The following FGF14 variants were observed in gnomAD, a reference collection of about 807,000 sequenced individuals.
The protein encoded by FGF14 is fibroblast growth factor homologous factor 4.
FGF14 carries 5 observed loss-of-function variants against 25.5 expected under a neutral mutation model. That is an observed-to-expected ratio of 0.20 (90% CI 0.10 to 0.41). FGF14 has a LOEUF of 0.41. Among genes scored for constraint, FGF14 ranks in the 10% least tolerant of loss-of-function variants. The pLI, the probability that FGF14 is intolerant of heterozygous loss-of-function variation, is 1.00. For missense variants in FGF14, 222 were observed against 320.1 expected (o/e 0.69, Z 2.34); for synonymous variants, 138 against 118.3 (o/e 1.17, Z -1.08).
At chr13:102,194,402 T>G (rs928673303) in intron 1 of FGF14, among the ~76,000 whole-genome samples, 2 of 148,738 alleles carry the variant, frequency 1.3e-5, no homozygotes, top group Non-Finnish European at 3.0e-5. Context: ...CCCACATGCA[T>G]TAGCTATTTA....
At chr13:102,309,908 C>A (rs1449798142) in intron 1 of FGF14, among the ~76,000 whole-genome samples, 1 of 152,286 alleles carries the variant, frequency 6.6e-6, no homozygotes, top group Non-Finnish European at 1.5e-5. Context: ...TTGAACCTAG[C>A]AATCTCATCT....
At chr13:102,375,769 G>A (rs1320230457) in intron 1 of FGF14, among the ~76,000 whole-genome samples, 1 of 152,108 alleles carries the variant, frequency 6.6e-6, no homozygotes, top group African/African-American at 2.4e-5. Context: ...ATCAATAAAA[G>A]CTATCTGCCT....
chr13:101,850,498 ATATATATATATATATAGAAT>A lies in FGF14; in HGVS notation c.408+18207_408+18226del, dbSNP rs2043746111. Among the ~76,000 whole-genome samples the A allele has an allele frequency of 1.7e-3, 3 of 1,790 alleles. 1 individual carries two copies. Among genetic ancestry groups the A allele is most frequent in the African/African-American group, 2.7e-3 (2 of 744 alleles). 1.2% of individuals were successfully genotyped at this position (1,790 alleles called of 152,430 possible). A position where few individuals can be genotyped will look rare whatever the true frequency, so the allele number is the denominator to read the frequency against. On this transcript the variant is annotated intron_variant, in intron 3 of 4. Coordinates refer to ENST00000376143, the MANE Select transcript of FGF14 (RefSeq NM_004115.4). ...TATATATATATATATATATATATAT[ATATATATATATATATAGAAT>A]TATATATTCTATATATATATATATA...
At chr13:102,042,241 G>T (rs1483564204) in intron 1 of FGF14, among the ~76,000 whole-genome samples, 3 of 152,080 alleles carry the variant, frequency 2.0e-5, no homozygotes, top group African/African-American at 4.8e-5. Context: ...ATACAAATAT[G>T]GTATCACTTA....
At chr13:102,113,764 T>C (rs1484520298) in intron 1 of FGF14, among the ~76,000 whole-genome samples, 1 of 152,174 alleles carries the variant, frequency 6.6e-6, no homozygotes, top group African/African-American at 2.4e-5. Flanking sequence ...AAACAGAAGA[T>C]GCTGATGTTA....
At chr13:102,150,689 T>TCAAAA (rs2047046627) in intron 1 of FGF14, among the ~76,000 whole-genome samples, 1 of 152,246 alleles carries the variant, frequency 6.6e-6, no homozygotes, top group Non-Finnish European at 1.5e-5. Flanking sequence ...CTGGAATTCC[T>TCAAAA]CAAAACATCT....
In FGF14 at chr13:102,400,018, C is replaced by G. The variant is rs1317143502; in HGVS notation, c.208+1453G>C. On this transcript the variant is annotated intron_variant, in intron 1 of 4. Transcript: ENST00000376131. The surrounding 1 kb of genome is among the most constrained non-coding windows in gnomAD (Gnocchi z 4.3). The stretch of plus-strand genomic sequence containing the variant: ...TTGCTGCAGGAATGGTGGCCGCAAA[C>G]GGTCTCAGCCTCCGCACCCACCGCC... 2.6e-5 allele frequency among the ~76,000 whole-genome samples: 4 copies of G among 152,122 alleles called. No individual in the cohort carries two copies. Among genetic ancestry groups the G allele is most frequent in the African/African-American group, 9.7e-5 (4 of 41,442 alleles).
chr13:101,850,725 G>A (rs576068397), intron 3 of FGF14, among the ~76,000 whole-genome samples: 1 of 146,770 alleles, frequency 6.8e-6, no homozygotes, highest in Non-Finnish European at 1.5e-5. Context: ...TATATAGAGA[G>A]AGAAGATATA....
Position 101,722,664 on chromosome 13 carries a change from A to G in FGF14, c.*167T>C, listed in dbSNP as rs2035071697. On this transcript the variant is annotated 3_prime_UTR_variant, in exon 5 of 5. Coordinates refer to ENST00000376143, the MANE Select transcript of FGF14 (RefSeq NM_004115.4). ...GGTGTCTTCTTGTTGTGGGGGGTGC[A>G]ACAGGTTGAGATTTATCCACTTGCA... is the stretch of plus-strand genomic sequence containing the variant. 2.2e-5 allele frequency: 19 copies of G among 875,136 alleles called. No individual in the cohort carries two copies. The South Asian group carries it at 2.6e-4, about 12-fold the overall frequency. The allele number at this position is 875,136 out of a possible 1,614,324, so 54.2% of individuals were successfully genotyped here.
At chr13:101,968,871 T>TTTA (rs1159621330) in intron 1 of FGF14, among the ~76,000 whole-genome samples, 2 of 151,452 alleles carry the variant, frequency 1.3e-5, no homozygotes, top group Non-Finnish European at 2.9e-5. Context: ...TTTTTTTTTT[T>TTTA]TAAATCTGGG....
chr13:102,334,976 G>C (rs562054691), intron 1 of FGF14, among the ~76,000 whole-genome samples: 3 of 152,070 alleles, frequency 2.0e-5, no homozygotes, highest in Non-Finnish European at 4.4e-5. Context: ...TCACTGACTA[G>C]AAGCCACATC....
rs556068753 is a variant in FGF14, at chr13:102,058,502, A to T, written c.209-183206T>A. 3.8e-4 allele frequency among the ~76,000 whole-genome samples: 58 copies of T among 152,304 alleles called. No individual in the cohort carries two copies. The Middle Eastern group carries it at 0.024, about 63-fold the overall frequency. On this transcript the variant is annotated intron_variant, in intron 1 of 4. Transcript: ENST00000376131. ...GAACTTAATGAAGTGTATAATTCCT[A>T]TTTTAAAAAATGAAACTGGTATTTT...
At chr13:102,060,682 C>G (rs2042645526) in intron 1 of FGF14, among the ~76,000 whole-genome samples, 1 of 152,066 alleles carries the variant, frequency 6.6e-6, no homozygotes, top group Non-Finnish European at 1.5e-5. Flanking sequence ...CAGTAAAAAT[C>G]CTTGATATTG....
intron 1 of FGF14, among the ~76,000 whole-genome samples, chr13:101,896,140 C>T (rs2030630303): frequency 6.6e-6 from 1 of 152,116 alleles, no homozygotes; most frequent in Non-Finnish European, 1.5e-5. Context: ...TAGCAGAAAC[C>T]TCCCTTCCCT....
chr13:102,215,908 T>C (rs577557826), intron 1 of FGF14, among the ~76,000 whole-genome samples: 1 of 152,248 alleles, frequency 6.6e-6, no homozygotes, highest in African/African-American at 2.4e-5. Context: ...ACTTTGTAAT[T>C]TTCAAGTGGC....
rs531701242 is a variant in FGF14, at chr13:101,968,501, G to A, written c.209-93205C>T. On this transcript the variant is annotated intron_variant, in intron 1 of 4. Transcript: ENST00000376131. ...ATCCTGACTAACATGGTGAAACCCC[G>A]TCTCCACTAAAAATACAAAAAATTA... Among the ~76,000 whole-genome samples, 6 of 151,808 alleles carry A rather than the reference G, an allele frequency of 4.0e-5. No individual in the cohort carries two copies. In the South Asian group the frequency reaches 6.3e-4, roughly 16 times the overall value.
intron 1 of FGF14, among the ~76,000 whole-genome samples, chr13:102,345,571 A>G (rs1594906639): frequency 6.6e-6 from 1 of 152,116 alleles, no homozygotes; most frequent in Non-Finnish European, 1.5e-5. Context: ...TCTCATATGT[A>G]TATGTTGGTA....
chr13:102,067,134 C>A (rs1323457981), intron 1 of FGF14, among the ~76,000 whole-genome samples: 1 of 152,074 alleles, frequency 6.6e-6, no homozygotes, highest in African/African-American at 2.4e-5. Flanking sequence ...GTAGTTCGCA[C>A]AAAACAAGCA....
intron 1 of FGF14, among the ~76,000 whole-genome samples, chr13:101,969,244 G>T (rs2139525271): frequency 6.6e-6 from 1 of 152,116 alleles, no homozygotes; most frequent in East Asian, 1.9e-4. Context: ...ATCTGGTCTG[G>T]TTACTGGGGA....
Sources: allele counts gnomAD v4.1 joint callset (sites outside exome capture counted in the v4.1 genomes callset), GRCh38; gene constraint gnomAD v4.1.1; non-coding constraint Gnocchi (gnomAD v3.1); transcripts MANE v1.5; gene names NCBI Gene and HGNC (gene_info 2026-07-23, HGNC 2026-07-21).